The following HS3ST4 variants were observed in gnomAD, a reference collection of about 807,000 sequenced individuals.
HS3ST4 encodes the protein heparan sulfate glucosamine 3-O-sulfotransferase 4.
A neutral mutation model predicts 29.2 loss-of-function variants in HS3ST4; 17 were observed. The observed-to-expected ratio is 0.58, with a 90% CI of 0.40 to 0.87. The LOEUF (loss-of-function observed/expected upper bound fraction) is 0.87. Ranked by LOEUF, HS3ST4 falls within the 40% of genes least tolerant of loss-of-function variation. HS3ST4 has a pLI of 0.00. For synonymous variants in HS3ST4, 314 were observed against 285.7 expected (o/e 1.10, Z -1.00); for missense variants, 627 against 634.5 (o/e 0.99, Z 0.13).
At chr16:26,070,268 A>G (rs1456248241) in intron 1 of HS3ST4, among the ~76,000 whole-genome samples, 1 of 152,132 alleles carries the variant, frequency 6.6e-6, no homozygotes, top group Non-Finnish European at 1.5e-5. Flanking sequence ...GTGAGATGAT[A>G]TGTCATTGTG....
rs376249417 is a variant in HS3ST4 at position 25,975,414 on chromosome 16, A to G, written c.735-160198A>G. Among the ~76,000 whole-genome samples the G allele has an allele frequency of 8.5e-5, 13 of 152,286 alleles. 1 individual carries two copies. In the East Asian group the frequency reaches 1.9e-3, roughly 23 times the overall value. On this transcript the variant is annotated intron_variant, in intron 1 of 1. Coordinates refer to ENST00000331351, the MANE Select transcript of HS3ST4 (RefSeq NM_006040.3). ...TCAGTGTCACACAATATACCCATAT[A>G]TTCGGCATATTGGTAAGTTTGGGAA...
intron 1 of HS3ST4, among the ~76,000 whole-genome samples, chr16:26,117,582 C>T (rs1437479694): frequency 6.6e-6 from 1 of 152,208 alleles, no homozygotes; most frequent in African/African-American, 2.4e-5. Flanking sequence ...TCTGCTGCTC[C>T]AGCCAGGGCT....
intron 1 of HS3ST4, among the ~76,000 whole-genome samples, chr16:25,934,071 C>G (rs1174609906): frequency 6.6e-6 from 1 of 152,186 alleles, no homozygotes; most frequent in Non-Finnish European, 1.5e-5. Flanking sequence ...AACCTTGAGG[C>G]CCTTGATAAA....
At chr16:26,037,393 T>C (rs1440620938) in intron 1 of HS3ST4, among the ~76,000 whole-genome samples, 4 of 152,166 alleles carry the variant, frequency 2.6e-5, no homozygotes, top group Non-Finnish European at 5.9e-5. Flanking sequence ...GTTTAAGGAA[T>C]ATAGAGCCTG....
At chr16:25,709,751 C>T (rs1966403683) in intron 1 of HS3ST4, among the ~76,000 whole-genome samples, 1 of 152,026 alleles carries the variant, frequency 6.6e-6, no homozygotes, top group Non-Finnish European at 1.5e-5. Context: ...TGTATCCAGT[C>T]TCTAAACCTA....
chr16:25,946,538 T>A (rs11640837), intron 1 of HS3ST4, among the ~76,000 whole-genome samples: 10,990 of 152,280 alleles, frequency 0.072, 563 homozygotes, highest in South Asian at 0.11. Context: ...TCACTGAGCA[T>A]CAGCAATGTG....
Position 26,135,884 on chromosome 16 carries a change from A to C in HS3ST4, c.1007A>C (p.Tyr336Ser). The change falls in exon 2 of 2, where the codon TAT becomes TCT. Residue 336 changes from tyrosine (Y) to serine (S), a missense_variant. Physicochemically the swap from Tyr to Ser is moderately radical, Grantham distance 144 (BLOSUM62 -2). Coordinates refer to ENST00000331351, the MANE Select transcript of HS3ST4 (RefSeq NM_006040.3). Reference sequence around the variant, plus strand: ...TGGAGTGCCATTCGAATAGGGATCTATGCGCTGCATCTGGAAAACTGGCTC... The same window carrying C: ...TGGAGTGCCATTCGAATAGGGATCTCTGCGCTGCATCTGGAAAACTGGCTC... ...ASWSAIRIGIYALHLENWLQY... is the reference protein window; with the variant it reads ...ASWSAIRIGISALHLENWLQY... 1 of 1,613,954 alleles carries C rather than the reference A, an allele frequency of 6.2e-7. No individual in the cohort carries two copies. The highest frequency in any genetic ancestry group is 8.5e-7 in the Non-Finnish European group (1 of 1,179,862).
chr16:25,848,328 T>C (rs1967485886), intron 1 of HS3ST4, among the ~76,000 whole-genome samples: 1 of 152,010 alleles, frequency 6.6e-6, no homozygotes, highest in Non-Finnish European at 1.5e-5. Context: ...TTAGTAGAGA[T>C]GGGGTTTCAC....
Position 26,120,067 on chromosome 16 carries a change from G to GTA in HS3ST4, c.735-15544_735-15543insAT, listed in dbSNP as rs1277577183. On this transcript the variant is annotated intron_variant, in intron 1 of 1. Transcript: ENST00000331351. ...AGCTGAAGGAAGTGTGTGTGTGTGTGTGTATGTGTGTGTGTGTGTGTGTGT... is the reference window on the plus strand; with the variant it reads ...AGCTGAAGGAAGTGTGTGTGTGTGTGTATGTATGTGTGTGTGTGTGTGTGTGT... Among the ~76,000 whole-genome samples the GTA allele has an allele frequency of 6.8e-3, 688 of 100,766 alleles. 7 individuals are homozygous for GTA. The highest frequency in any genetic ancestry group is 0.027 in the Middle Eastern group (5 of 186). The allele number at this position is 100,766 out of a possible 152,430, so 66.1% of individuals were successfully genotyped here.
chr16:25,873,523 TGTCTATC>T (rs1227495299), intron 1 of HS3ST4, among the ~76,000 whole-genome samples: 1 of 145,304 alleles, frequency 6.9e-6, no homozygotes, highest in African/African-American at 2.6e-5. Flanking sequence ...TCTATCTATC[TGTCTATC>T]TATCTATCTT....
rs1015988165 is a variant in HS3ST4 at position 25,842,009 on chromosome 16, T to C, written c.734+148858T>C. ...TCAGCACCATCTGGCACTTTGGGGC[T>C]GAGCCCAGCCCTACCACTACAAAAA... On this transcript the variant is annotated intron_variant, in intron 1 of 1. Coordinates refer to ENST00000331351, the MANE Select transcript of HS3ST4 (RefSeq NM_006040.3). Among the ~76,000 whole-genome samples, 7 of 152,252 alleles carry C rather than the reference T, an allele frequency of 4.6e-5. 1 individual carries two copies. The highest frequency in any genetic ancestry group is 1.0e-4 in the Non-Finnish European group (7 of 68,042).
intron 1 of HS3ST4, among the ~76,000 whole-genome samples, chr16:25,969,665 A>C (rs1968877713): frequency 6.6e-6 from 1 of 152,168 alleles, no homozygotes; most frequent in Non-Finnish European, 1.5e-5. Flanking sequence ...TTACGGGCTC[A>C]TGTCAGTGTT....
intron 1 of HS3ST4, among the ~76,000 whole-genome samples, chr16:25,714,664 C>G (rs1164607076): frequency 6.6e-6 from 1 of 152,164 alleles, no homozygotes; most frequent in East Asian, 1.9e-4. Context: ...GCTTTGTTTA[C>G]TTATTTGCCT....
intron 1 of HS3ST4, among the ~76,000 whole-genome samples, chr16:25,905,919 T>C (rs1329643241): frequency 1.3e-5 from 2 of 152,146 alleles, no homozygotes; most frequent in African/African-American, 4.8e-5. Flanking sequence ...CATAGCTGAG[T>C]GTTTATGGCT....
chr16:25,980,886 T>A (rs183603113), intron 1 of HS3ST4, among the ~76,000 whole-genome samples: 185 of 152,114 alleles, frequency 1.2e-3, no homozygotes, highest in African/African-American at 4.3e-3. Flanking sequence ...TTTATTGTGG[T>A]TTTCATGGGA....
At chr16:25,897,258 A>C (rs1451971734) in intron 1 of HS3ST4, among the ~76,000 whole-genome samples, 2 of 152,156 alleles carry the variant, frequency 1.3e-5, no homozygotes, top group Non-Finnish European at 1.5e-5. Flanking sequence ...GTTCGAGACC[A>C]GTCTGGGCAA....
intron 1 of HS3ST4, among the ~76,000 whole-genome samples, chr16:25,760,576 A>C (rs1356066757): frequency 6.6e-6 from 1 of 151,478 alleles, no homozygotes; most frequent in Non-Finnish European, 1.5e-5. Context: ...CTGCCACCAC[A>C]CCTAGCTAAT....
intron 1 of HS3ST4, among the ~76,000 whole-genome samples, chr16:25,806,045 T>G (rs1158546787): frequency 2.6e-5 from 4 of 152,354 alleles, no homozygotes; most frequent in South Asian, 4.1e-4. Flanking sequence ...TTCATTCCTT[T>G]TTATGGCTAC....
intron 1 of HS3ST4, among the ~76,000 whole-genome samples, chr16:25,949,880 G>C (rs12919433): frequency 0.43 from 65,222 of 151,944 alleles, 14,227 homozygotes; most frequent in African/African-American, 0.45. Flanking sequence ...AGCCCCAAGG[G>C]AAGCCTACTA....
Sources: allele counts gnomAD v4.1 joint callset (sites outside exome capture counted in the v4.1 genomes callset), GRCh38; gene constraint gnomAD v4.1.1; transcripts MANE v1.5; gene names NCBI Gene and HGNC (gene_info 2026-07-23, HGNC 2026-07-21).